The following COL6A5 variants were observed in gnomAD, a reference collection of about 807,000 sequenced individuals.
The protein encoded by COL6A5 is collagen alpha-5(VI) chain.
Under a neutral mutation model 65.6 loss-of-function variants are expected in COL6A5, and 48 were observed. The ratio of observed to expected loss-of-function variants is 0.73; its 90% confidence interval spans 0.58 to 0.93. The LOEUF is 0.93. Ranked by LOEUF, COL6A5 falls within the 40% of genes least tolerant of loss-of-function variation. The pLI is 0.00. For missense variants in COL6A5, 914 were observed against 928.3 expected, an observed-to-expected ratio of 0.98 and a Z score of 0.20; for synonymous variants, 291 against 322.8, an observed-to-expected ratio of 0.90 and a Z score of 1.05.
At chr3:130,375,380 G>C (rs1935726117) in intron 2 of COL6A5, among the ~76,000 whole-genome samples, 1 of 152,002 alleles carries the variant, frequency 6.6e-6, no homozygotes, top group Non-Finnish European at 1.5e-5. Context: ...TGTAATTTAG[G>C]CTCCAGAGCC....
chr3:130,470,890 C>A (rs1275374081), exon 7 of COL6A5: 3 of 1,612,008 alleles, frequency 1.9e-6, no homozygotes, highest in Non-Finnish European at 2.5e-6. Context: ...ACAAATATCC[C>A]ACCGAAGATA....
chr3:130,471,949 T>C, intron 7 of COL6A5, 23 bp downstream of exon 40: 1 of 1,528,570 alleles, frequency 6.5e-7, no homozygotes, highest in Non-Finnish European at 8.7e-7. Context: ...ACCATAGAGC[T>C]GAAGACCCTC....
At chr3:130,408,500 C>T (rs977315998) in intron 17 of COL6A5, among the ~76,000 whole-genome samples, 4 of 152,192 alleles carry the variant, frequency 2.6e-5, no homozygotes, top group Admixed American at 1.3e-4. Flanking sequence ...CCCAGCAGGA[C>T]GTGGACCTTC....
intron 7 of COL6A5, among the ~76,000 whole-genome samples, chr3:130,479,683 A>T (rs1455586894): frequency 6.6e-6 from 1 of 152,128 alleles, no homozygotes; most frequent in African/African-American, 2.4e-5. Flanking sequence ...AAGTGAATGA[A>T]CTAAATTGAA....
chr3:130,385,340 G>A lies in COL6A5; in HGVS notation c.1837G>A (p.Val613Ile), dbSNP rs373316951. 63 of 1,549,992 alleles carry A rather than the reference G, an allele frequency of 4.1e-5. No individual in the cohort carries two copies. The African/African-American group carries it at 4.7e-4, about 11-fold the overall frequency. The change falls in exon 5 of 42, where the codon GTT (valine) becomes ATT (isoleucine). Residue 613 changes from valine to isoleucine, a missense_variant and NMD_transcript_variant. Coordinates refer to the COL6A5 transcript ENST00000312481. ...TTTGAAAAGCATAAAAAATGAAGTC[G>A]TTCGTGAAATCTGCGCTGAAAAAGG...
Position 130,398,982 on chromosome 3 carries a change from A to G in COL6A5, c.3991+871A>G, listed in dbSNP as rs149244252. Among the ~76,000 whole-genome samples, 4 of 152,276 alleles carry G rather than the reference A, an allele frequency of 2.6e-5. No homozygotes were observed. The East Asian group carries it at 7.7e-4, about 29-fold the overall frequency. On this transcript the variant is annotated intron_variant and NMD_transcript_variant, in intron 10 of 41. Transcript: ENST00000312481. The stretch of plus-strand genomic sequence containing the variant: ...GCTCCTACTGTTCCTTCTTTTCCAT[A>G]TGAAAGATAGCAACGTGGATTTGGA...
intron 13 of COL6A5, 68 bp from the exon 14 acceptor site, chr3:130,405,520 A>G (rs1487298542): frequency 3.4e-6 from 4 of 1,164,684 alleles, no homozygotes; most frequent in Non-Finnish European, 3.8e-6. Context: ...TAACTCTGTG[A>G]AAATAAACCA....
intron 10 of COL6A5, 57 bp downstream of exon 10, chr3:130,398,168 T>C: frequency 8.3e-7 from 1 of 1,204,282 alleles, no homozygotes; most frequent in Non-Finnish European, 1.2e-6. Flanking sequence ...TGTCAGTCTG[T>C]CACCCAGGTT....
chr3:130,457,567 T>G (rs754802663), intron 5 of COL6A5, among the ~76,000 whole-genome samples: 46 of 152,220 alleles, frequency 3.0e-4, no homozygotes, highest in Middle Eastern at 3.4e-3. Flanking sequence ...CCCACCCAGT[T>G]TCTCCTACAG....
intron 24 of COL6A5, among the ~76,000 whole-genome samples, chr3:130,417,480 A>C (rs1204861957): frequency 6.6e-6 from 1 of 152,046 alleles, no homozygotes; most frequent in Non-Finnish European, 1.5e-5. Context: ...CCTAGGAGAG[A>C]GTGATCTCAC....
chr3:130,409,511 G>A, intron 18 of COL6A5, 123 bp downstream of exon 18: 2 of 765,426 alleles, frequency 2.6e-6, no homozygotes, highest in Non-Finnish European at 4.0e-6. Context: ...AGGGGTGATA[G>A]GTGTTGGCTG....
chr3:130,434,096 A>G (rs1019381124), intron 1 of COL6A5, among the ~76,000 whole-genome samples: 1 of 151,102 alleles, frequency 6.6e-6, no homozygotes, highest in Non-Finnish European at 1.5e-5. Context: ...CTCAACCCCC[A>G]CCCCTCGACA....
chr3:130,377,063 G>T lies in COL6A5; in HGVS notation c.667+227G>T, dbSNP rs982794309. On this transcript the variant is annotated intron_variant and NMD_transcript_variant, in intron 3 of 41. Transcript: ENST00000312481. ...CTTTCTTATAGCTTGAATAACTCCT[G>T]TCATCATTTAAATCTCATCCCTACA... Among the ~76,000 whole-genome samples the T allele has an allele frequency of 2.6e-5, 4 of 152,196 alleles. No individual in the cohort carries two copies. The South Asian group carries it at 8.3e-4, about 32-fold the overall frequency.
At chr3:130,474,668 CATTCACTGG>C (rs1453290362) in intron 7 of COL6A5, among the ~76,000 whole-genome samples, 3 of 151,970 alleles carry the variant, frequency 2.0e-5, no homozygotes, top group Non-Finnish European at 4.4e-5. Flanking sequence ...AATTTTAAAA[CATTCACTGG>C]ATGAGCTTAA....
chr3:130,466,020 T>C (rs746394563), intron 5 of COL6A5, among the ~76,000 whole-genome samples: 7 of 151,998 alleles, frequency 4.6e-5, no homozygotes, highest in Middle Eastern at 3.4e-3. Context: ...AAAAAAGATA[T>C]AAAAAATGAA....
intron 3 of COL6A5, among the ~76,000 whole-genome samples, chr3:130,442,595 T>A (rs1245547287): frequency 1.3e-5 from 2 of 152,180 alleles, no homozygotes; most frequent in African/African-American, 4.8e-5. Flanking sequence ...AAGGCTCCTC[T>A]GCTGGTATTT....
At chr3:130,381,997 G>T (rs1472307264) in intron 4 of COL6A5, among the ~76,000 whole-genome samples, 1 of 151,924 alleles carries the variant, frequency 6.6e-6, no homozygotes, top group East Asian at 1.9e-4. Flanking sequence ...ACTTAAGTTG[G>T]GCTCCTCAGA....
intron 1 of COL6A5, among the ~76,000 whole-genome samples, chr3:130,366,735 A>G (rs1338102931): frequency 6.6e-6 from 1 of 152,172 alleles, no homozygotes; most frequent in African/African-American, 2.4e-5. Flanking sequence ...GTTCTTTACA[A>G]TTTATTCTGA....
intron 28 of COL6A5, 126 bp from the exon 29 acceptor site, chr3:130,423,712 G>T: frequency 1.6e-6 from 1 of 611,554 alleles, no homozygotes; most frequent in Non-Finnish European, 2.8e-6. Context: ...CAATTTACCT[G>T]ACTTCAATTA....
Sources: allele counts gnomAD v4.1 joint callset (sites outside exome capture counted in the v4.1 genomes callset), GRCh38; gene constraint gnomAD v4.1.1; transcripts MANE v1.5; gene names NCBI Gene and HGNC (gene_info 2026-07-23, HGNC 2026-07-21).